Variants in PDE6B observed in about 807,000 individuals in gnomAD.
PDE6B encodes rod cGMP-specific 3',5'-cyclic phosphodiesterase subunit beta.
A neutral mutation model predicts 109.0 loss-of-function variants in PDE6B; 106 were observed. The observed-to-expected ratio is 0.97, with a 90% CI of 0.83 to 1.14. The LOEUF is 1.14. Among genes scored for constraint, PDE6B ranks in the 50% most tolerant of loss-of-function variants. PDE6B has a pLI of 0.00. For missense variants in PDE6B, 1,193 were observed against 1,155.6 expected, an observed-to-expected ratio of 1.03 and a Z score of -0.47; for synonymous variants, 490 against 471.3, an observed-to-expected ratio of 1.04 and a Z score of -0.51.
intron 3 of PDE6B, among the ~76,000 whole-genome samples, chr4:644,899 G>A (rs558378108): frequency 6.7e-4 from 102 of 152,172 alleles, no homozygotes; most frequent in Middle Eastern, 6.8e-3. Context: ...TTCTGATAGA[G>A]GGTACTAAGT....
intron 3 of PDE6B, chr4:652,008 A>C: frequency 5.6e-6 from 1 of 179,878 alleles, no homozygotes; most frequent in Non-Finnish European, 1.2e-5. Context: ...GGGCGGCTCC[A>C]CGACGGTGAC....
At chr4:657,525 C>T in intron 10 of PDE6B, 31 bp downstream of exon 10, 1 of 1,455,520 alleles carries the variant, frequency 6.9e-7, no homozygotes, top group Non-Finnish European at 9.6e-7. Flanking sequence ...CAGGGGTCAC[C>T]CAGGGGTCAC....
chr4:655,504 C>T, intron 6 of PDE6B: 1 of 338,738 alleles, frequency 3.0e-6, no homozygotes, highest in South Asian at 2.5e-5. Context: ...TCCTAGAAAG[C>T]AGGCTGAAGC....
intron 3 of PDE6B, among the ~76,000 whole-genome samples, chr4:650,342 C>G (rs1403033837): frequency 6.6e-6 from 1 of 152,250 alleles, no homozygotes; most frequent in African/African-American, 2.4e-5. Flanking sequence ...CTCAACACTG[C>G]TGGGTGTCCG....
At chr4:664,359 GA>G (rs1231318969) in intron 17 of PDE6B, 138 bp downstream of exon 17, 2 of 701,466 alleles carry the variant, frequency 2.9e-6, no homozygotes, top group African/African-American at 3.5e-5. Context: ...CGAGGGCTGT[GA>G]AACAAATGCG....
Position 666,019 on chromosome 4 carries a change from C to T in PDE6B, c.2269-512C>T, listed in dbSNP as rs1737753341. Among the ~76,000 whole-genome samples, 1 of 152,174 alleles carries T rather than the reference C, an allele frequency of 6.6e-6. No homozygotes were observed. Among genetic ancestry groups the T allele is most frequent in the Admixed American group, 6.5e-5 (1 of 15,282 alleles). ...ACAGGCAGCAGGTCCATCCCCCGCGCCCGGCCTCTAGAGTCCTGCATGGTT... is the reference window on the plus strand; with the variant it reads ...ACAGGCAGCAGGTCCATCCCCCGCGTCCGGCCTCTAGAGTCCTGCATGGTT... On this transcript the variant is annotated intron_variant, in intron 19 of 21. Transcript: ENST00000496514. The surrounding 1 kb of genome is among the most constrained non-coding windows in gnomAD (Gnocchi z 5.6).
chr4:645,112 T>C (rs1484281516), intron 3 of PDE6B, among the ~76,000 whole-genome samples: 1 of 152,078 alleles, frequency 6.6e-6, no homozygotes, highest in East Asian at 1.9e-4. Flanking sequence ...TTAATATAGC[T>C]ACCCCAGTGT....
At chr4:656,790 G>A in intron 8 of PDE6B, 84 bp from the exon 9 acceptor site, 2 of 1,288,710 alleles carry the variant, frequency 1.6e-6, no homozygotes, top group South Asian at 2.4e-5. Context: ...TAGGGGAGAA[G>A]ACATGAGGTC....
intron 21 of PDE6B, 144 bp downstream of exon 21, chr4:668,150 G>A (rs532553970): frequency 4.1e-5 from 32 of 771,344 alleles, no homozygotes; most frequent in Non-Finnish European, 6.3e-5. Context: ...CACAGTGCAG[G>A]GAGAGAGGCC....
At chr4:639,934 C>T (rs375273965) in intron 3 of PDE6B, among the ~76,000 whole-genome samples, 1 of 152,042 alleles carries the variant, frequency 6.6e-6, no homozygotes, top group Non-Finnish European at 1.5e-5. Flanking sequence ...CTCCCCAAGA[C>T]CTGCAGTGAG....
chr4:666,464 G>C lies in PDE6B; in HGVS notation c.2269-67G>C. The C allele has an allele frequency of 9.8e-7, 1 of 1,018,222 alleles. No individual in the cohort carries two copies. The highest frequency in any genetic ancestry group is 1.6e-6 in the Non-Finnish European group (1 of 638,500). 63.1% of individuals were successfully genotyped at this position (1,018,222 alleles called of 1,614,324 possible). A position where few individuals can be genotyped will look rare whatever the true frequency, so the allele number is the denominator to read the frequency against. On this transcript the variant is annotated intron_variant, in intron 19 of 21. Coordinates refer to ENST00000496514, the MANE Select transcript of PDE6B (RefSeq NM_000283.4). This position sits in a 1 kb window ranked among gnomAD's most constrained non-coding sequence, Gnocchi z 5.6. ...GCACATCTGAGTGAGGGGGTCGGGG[G>C]GCTGGGCGGGGCCCCAGGAGCTGCC...
In PDE6B at chr4:635,374, C is replaced by T. The variant is rs1381542933; in HGVS notation, c.622-506C>T. ...GCCTGCCTGCCCGCGTGTTCTGTGC[C>T]ACGCGTCTGCCTCCCTGCCTGCCTG... On this transcript the variant is annotated intron_variant, in intron 2 of 21. Transcript: ENST00000496514. 1.6e-4 allele frequency among the ~76,000 whole-genome samples: 16 copies of T among 97,812 alleles called. 1 individual carries two copies. Among genetic ancestry groups the T allele is most frequent in the African/African-American group, 6.0e-4 (13 of 21,822 alleles). 64.2% of individuals were successfully genotyped at this position (97,812 alleles called of 152,430 possible).
In PDE6B at chr4:633,014, T is replaced by G. The variant is rs4075653; in HGVS notation, c.469-1663T>G. Among the ~76,000 whole-genome samples the G allele has an allele frequency of 0.18, 27,744 of 152,054 alleles. 3,031 individuals carry two copies. The highest frequency in any genetic ancestry group is 0.3 in the African/African-American group (12,527 of 41,444). ...AACAGTAACAGAGACTCTGAATTCA[T>G]CAGGGAGCACACATGGTGGCCACTG... On this transcript the variant is annotated intron_variant, in intron 1 of 21. Transcript: ENST00000496514. The surrounding 1 kb of genome is among the most constrained non-coding windows in gnomAD (Gnocchi z 4.5).
rs1323026516 is a variant in PDE6B, at chr4:666,257, C to T, written c.2269-274C>T. On this transcript the variant is annotated intron_variant, in intron 19 of 21. Coordinates refer to ENST00000496514, the MANE Select transcript of PDE6B (RefSeq NM_000283.4). This position sits in a 1 kb window ranked among gnomAD's most constrained non-coding sequence, Gnocchi z 5.6. ...CCTCTCCCCAGCTGCAGTAAGGGTC[C>T]CCAGAGCCAAGAGGGGGCTGCCCTC... 1.3e-5 allele frequency among the ~76,000 whole-genome samples: 2 copies of T among 152,132 alleles called. No homozygotes were observed. The highest frequency in any genetic ancestry group is 2.9e-5 in the Non-Finnish European group (2 of 67,996).
Position 662,986 on chromosome 4 carries a change from G to T in PDE6B, c.1833-114G>T. Reference sequence around the variant, plus strand: ...CCACTGCACTCCAGAGTGGGTGACAGAGGCAGACCCTGTCTCAAAAAAAAG... The same window carrying T: ...CCACTGCACTCCAGAGTGGGTGACATAGGCAGACCCTGTCTCAAAAAAAAG... On this transcript the variant is annotated intron_variant, in intron 14 of 21. Transcript: ENST00000496514. This position sits in a 1 kb window ranked among gnomAD's most constrained non-coding sequence, Gnocchi z 4.3. 1.4e-6 allele frequency: 1 copy of T among 734,200 alleles called. No individual in the cohort carries two copies. 45.5% of individuals were successfully genotyped at this position (734,200 alleles called of 1,614,324 possible).
In PDE6B at chr4:626,189, G is replaced by A; in HGVS notation, c.468+95G>A. Reference sequence around the variant, plus strand: ...TCAGCTCGGATCCTCAGGCCTCCAGGGAGGCCTCTTGTCAGGGCACAGGCT... The same window carrying A: ...TCAGCTCGGATCCTCAGGCCTCCAGAGAGGCCTCTTGTCAGGGCACAGGCT... On this transcript the variant is annotated intron_variant, in intron 1 of 21. Coordinates refer to ENST00000496514, the MANE Select transcript of PDE6B (RefSeq NM_000283.4). This position sits in a 1 kb window ranked among gnomAD's most constrained non-coding sequence, Gnocchi z 4.6. The A allele has an allele frequency of 1.3e-6, 1 of 779,840 alleles. No homozygotes were observed. Among genetic ancestry groups the A allele is most frequent in the Non-Finnish European group, 2.2e-6 (1 of 459,744 alleles). The allele number at this position is 779,840 out of a possible 1,614,324, so 48.3% of individuals were successfully genotyped here.
rs1254874667 is a variant in PDE6B, at chr4:663,419, T to G, written c.1920+232T>G. ...CAACTGGAAAGGGCCCCTCATGGGG[T>G]GGGGTGGAAGCCGAAGGGGAAGCGG... On this transcript the variant is annotated intron_variant, in intron 15 of 21. Transcript: ENST00000496514. The surrounding 1 kb of genome is among the most constrained non-coding windows in gnomAD (Gnocchi z 4.0). 6.6e-6 allele frequency among the ~76,000 whole-genome samples: 1 copy of G among 150,888 alleles called. No individual in the cohort carries two copies. The highest frequency in any genetic ancestry group is 1.5e-5 in the Non-Finnish European group (1 of 67,764).
In PDE6B at chr4:666,240, C is replaced by T. The variant is rs1737784379; in HGVS notation, c.2269-291C>T. On this transcript the variant is annotated intron_variant, in intron 19 of 21. Transcript: ENST00000496514. This position sits in a 1 kb window ranked among gnomAD's most constrained non-coding sequence, Gnocchi z 5.6. ...GCCCATCCCCCTCCCCGCCTCTCCC[C>T]AGCTGCAGTAAGGGTCCCCAGAGCC... 6.6e-6 allele frequency among the ~76,000 whole-genome samples: 1 copy of T among 152,212 alleles called. No individual in the cohort carries two copies. Among genetic ancestry groups the T allele is most frequent in the South Asian group, 2.1e-4 (1 of 4,836 alleles).
chr4:646,375 A>C (rs1453615525), intron 3 of PDE6B, among the ~76,000 whole-genome samples: 1 of 150,904 alleles, frequency 6.6e-6, no homozygotes, highest in Non-Finnish European at 1.5e-5. Flanking sequence ...ATGTTCCCCC[A>C]CCCCCAGCTT....
Sources: allele counts gnomAD v4.1 joint callset (sites outside exome capture counted in the v4.1 genomes callset), GRCh38; gene constraint gnomAD v4.1.1; non-coding constraint Gnocchi (gnomAD v3.1); transcripts MANE v1.5; gene names NCBI Gene and HGNC (gene_info 2026-07-23, HGNC 2026-07-21).